Variants in SYT6 observed in about 807,000 individuals in gnomAD.
SYT6 encodes synaptotagmin 6.
A neutral mutation model predicts 38.4 loss-of-function variants in SYT6; 24 were observed. The ratio of observed to expected loss-of-function variants is 0.62; its 90% confidence interval spans 0.45 to 0.88. SYT6 has a LOEUF of 0.88. Among genes scored for constraint, SYT6 ranks in the 40% least tolerant of loss-of-function variants. The probability of loss-of-function intolerance (pLI) is 0.00; values close to 1 mark genes in which losing one functional copy is unlikely to be tolerated. For synonymous variants in SYT6, 265 were observed against 241.9 expected (o/e 1.10, Z -0.89); for missense variants, 611 against 621.0 (o/e 0.98, Z 0.17).
intron 3 of SYT6, among the ~76,000 whole-genome samples, chr1:114,117,436 A>G (rs1677068687): frequency 6.6e-6 from 1 of 152,234 alleles, no homozygotes; most frequent in Non-Finnish European, 1.5e-5. Context: ...CTGAGGGGCC[A>G]GGTGTGCCCC....
intron 3 of SYT6, among the ~76,000 whole-genome samples, chr1:114,110,860 A>C: frequency 6.6e-6 from 1 of 150,964 alleles, no homozygotes; most frequent in East Asian, 1.9e-4. Flanking sequence ...CCCCCTGCCC[A>C]CTCCCTCCAA....
At chr1:114,131,167 C>T (rs1016113726) in intron 3 of SYT6, among the ~76,000 whole-genome samples, 6 of 152,110 alleles carry the variant, frequency 3.9e-5, no homozygotes, top group African/African-American at 1.4e-4. Context: ...CATCAGACTG[C>T]GAGGTCTTGA....
chr1:114,131,993 T>C (rs1678186858), intron 3 of SYT6, among the ~76,000 whole-genome samples: 1 of 152,256 alleles, frequency 6.6e-6, no homozygotes, highest in Non-Finnish European at 1.5e-5. Flanking sequence ...TGCTTCCCTC[T>C]GGCGGTGCAA....
intron 3 of SYT6, among the ~76,000 whole-genome samples, chr1:114,120,248 G>C (rs479359): frequency 1.3e-5 from 2 of 151,890 alleles, no homozygotes; most frequent in Non-Finnish European, 2.9e-5. Flanking sequence ...GGTGTTCACT[G>C]TGTGATGCCC....
intron 3 of SYT6, among the ~76,000 whole-genome samples, chr1:114,129,780 C>T (rs998731932): frequency 2.7e-5 from 4 of 150,916 alleles, no homozygotes; most frequent in Admixed American, 6.6e-5. Context: ...CAGGCTCAAG[C>T]GATTGTCCCA....
intron 1 of SYT6, among the ~76,000 whole-genome samples, chr1:114,144,957 C>A (rs1679081114): frequency 6.6e-6 from 1 of 152,088 alleles, no homozygotes; most frequent in Non-Finnish European, 1.5e-5. Flanking sequence ...GCCTTCCCAA[C>A]ACCTGGCTCC....
chr1:114,104,056 G>A (rs1676125632), intron 3 of SYT6, among the ~76,000 whole-genome samples: 1 of 152,132 alleles, frequency 6.6e-6, no homozygotes, highest in Non-Finnish European at 1.5e-5. Flanking sequence ...CCCCTTTGTG[G>A]CCTCTTCCTG....
At chr1:114,153,257 T>C (rs950140767) in intron 1 of SYT6, among the ~76,000 whole-genome samples, 1 of 152,132 alleles carries the variant, frequency 6.6e-6, no homozygotes, top group Non-Finnish European at 1.5e-5. Flanking sequence ...TCCCGCTCTC[T>C]CCATGGACCC....
intron 6 of SYT6, among the ~76,000 whole-genome samples, chr1:114,094,261 T>C (rs1675495768): frequency 6.6e-6 from 1 of 152,204 alleles, no homozygotes; most frequent in African/African-American, 2.4e-5. Context: ...AGGCTTACAG[T>C]GGCTCTGAAA....
chr1:114,138,081 G>A (rs1419042639), intron 2 of SYT6, 28 bp from the exon 3 acceptor site: 1 of 1,600,130 alleles, frequency 6.2e-7, no homozygotes, highest in Non-Finnish European at 8.5e-7. Flanking sequence ...GGGGCAGAGG[G>A]AGTGTGGTCA....
intron 3 of SYT6, among the ~76,000 whole-genome samples, chr1:114,115,422 CTT>C (rs34938214): frequency 2.5e-4 from 36 of 141,740 alleles, no homozygotes; most frequent in Admixed American, 4.2e-4. Context: ...GTACTTAACA[CTT>C]TTTTTTTTTT....
chr1:114,113,187 C>T (rs1293632251), intron 3 of SYT6, among the ~76,000 whole-genome samples: 5 of 152,196 alleles, frequency 3.3e-5, no homozygotes, highest in Admixed American at 2.6e-4. Flanking sequence ...CAAGGTGCTC[C>T]ATAGAGAAGC....
intron 1 of SYT6, among the ~76,000 whole-genome samples, chr1:114,146,535 C>A (rs933711712): frequency 6.6e-6 from 1 of 152,220 alleles, no homozygotes; most frequent in Non-Finnish European, 1.5e-5. Flanking sequence ...GCAGCTAGAA[C>A]TTTGATGGGC....
At chr1:114,097,698 C>T in intron 6 of SYT6, 29 bp downstream of exon 6, 1 of 1,610,230 alleles carries the variant, frequency 6.2e-7, no homozygotes, top group Non-Finnish European at 8.5e-7. Context: ...ATGCAGCAAA[C>T]ATGCCAAGGG....
intron 3 of SYT6, among the ~76,000 whole-genome samples, chr1:114,112,457 A>C (rs1033344643): frequency 6.6e-6 from 1 of 152,234 alleles, no homozygotes; most frequent in Admixed American, 6.5e-5. Flanking sequence ...TTTCACACGC[A>C]CCATTACTTT....
chr1:114,141,449 A>G (rs4567275), intron 1 of SYT6, among the ~76,000 whole-genome samples: 115,183 of 152,216 alleles, frequency 0.76, 44,685 homozygotes, highest in African/African-American at 0.92. Context: ...AAGACTGAAA[A>G]AGGAGAGGAA....
At chr1:114,115,858 T>C (rs1414576008) in intron 3 of SYT6, among the ~76,000 whole-genome samples, 1 of 152,178 alleles carries the variant, frequency 6.6e-6, no homozygotes. Context: ...CTCAGGTTTG[T>C]TGACTCTGAA....
chr1:114,124,204 A>G (rs1677592234), intron 3 of SYT6, among the ~76,000 whole-genome samples: 1 of 152,250 alleles, frequency 6.6e-6, no homozygotes. Flanking sequence ...AGCAAATGCC[A>G]TTTGAAACCA....
At chr1:114,117,928 C>T (rs558601226) in intron 3 of SYT6, among the ~76,000 whole-genome samples, 1 of 152,224 alleles carries the variant, frequency 6.6e-6, no homozygotes, top group Non-Finnish European at 1.5e-5. Flanking sequence ...ACTGAAGACG[C>T]CTCACAGGGA....
Sources: allele counts gnomAD v4.1 joint callset (sites outside exome capture counted in the v4.1 genomes callset), GRCh38; gene constraint gnomAD v4.1.1; transcripts MANE v1.5; gene names NCBI Gene and HGNC (gene_info 2026-07-23, HGNC 2026-07-21).